Variants in NKAIN2 observed in about 807,000 individuals in gnomAD.
NKAIN2 encodes sodium/potassium-transporting ATPase subunit beta-1-interacting protein 2.
In NKAIN2, 14 loss-of-function variants were observed where a neutral mutation model predicts 32.6. That is an observed-to-expected ratio of 0.43 (90% CI 0.28 to 0.67). The LOEUF (loss-of-function observed/expected upper bound fraction) is 0.67. Among genes scored for constraint, NKAIN2 ranks in the 30% least tolerant of loss-of-function variants. The probability of loss-of-function intolerance (pLI) is 0.17; values close to 1 mark genes in which losing one functional copy is unlikely to be tolerated. For synonymous variants in NKAIN2, 80 were observed against 87.2 expected, an observed-to-expected ratio of 0.92 and a Z score of 0.46; for missense variants, 198 against 258.3, an observed-to-expected ratio of 0.77 and a Z score of 1.60.
intron 1 of NKAIN2, among the ~76,000 whole-genome samples, chr6:124,044,253 C>T (rs771262995): frequency 1.3e-5 from 2 of 151,896 alleles, no homozygotes; most frequent in Non-Finnish European, 2.9e-5. Flanking sequence ...AGTTTTAGGA[C>T]CAAAACAAAG....
At chr6:124,455,895 T>C (rs145934091) in intron 3 of NKAIN2, among the ~76,000 whole-genome samples, 172 of 152,102 alleles carry the variant, frequency 1.1e-3, no homozygotes, top group Admixed American at 3.2e-3. Flanking sequence ...GAGATTTCCT[T>C]AATTATCTGC....
intron 1 of NKAIN2, among the ~76,000 whole-genome samples, chr6:124,061,449 T>A (rs537049161): frequency 6.6e-6 from 1 of 152,290 alleles, no homozygotes; most frequent in Non-Finnish European, 1.5e-5. Flanking sequence ...TTATCAAAAA[T>A]TAGACAATGC....
At chr6:123,849,949 G>GTTT (rs777466801) in intron 1 of NKAIN2, among the ~76,000 whole-genome samples, 394 of 38,554 alleles carry the variant, frequency 0.01, 16 homozygotes, top group African/African-American at 0.016. Flanking sequence ...ACTCAGGCTG[G>GTTT]TTTTTTTTTT....
chr6:124,236,595 A>G (rs932176013), intron 1 of NKAIN2, among the ~76,000 whole-genome samples: 19 of 152,184 alleles, frequency 1.2e-4, no homozygotes, highest in Non-Finnish European at 2.5e-4. Context: ...GAGTTAAACT[A>G]TGTGTCAATG....
At chr6:124,620,469 A>AATGCTAACTTCAACCAT (rs1783065942) in intron 3 of NKAIN2, among the ~76,000 whole-genome samples, 1 of 152,192 alleles carries the variant, frequency 6.6e-6, no homozygotes, top group African/African-American at 2.4e-5. Context: ...CTCTAGATAC[A>AATGCTAACTTCAACCAT]ATGCTAACTT....
chr6:123,837,353 A>G (rs897669438), intron 1 of NKAIN2, among the ~76,000 whole-genome samples: 3 of 152,040 alleles, frequency 2.0e-5, no homozygotes, highest in Non-Finnish European at 2.9e-5. Flanking sequence ...ACCCTCTATC[A>G]TACCCCATTT....
At chr6:123,894,560 C>T (rs774479205) in intron 1 of NKAIN2, among the ~76,000 whole-genome samples, 12 of 151,632 alleles carry the variant, frequency 7.9e-5, no homozygotes, top group Non-Finnish European at 2.9e-5. Context: ...TAGAAGCTAC[C>T]AGAAAAAGCA....
At chr6:124,770,640 C>T (rs1350949338) in intron 4 of NKAIN2, among the ~76,000 whole-genome samples, 1 of 151,998 alleles carries the variant, frequency 6.6e-6, no homozygotes, top group African/African-American at 2.4e-5. Context: ...GTTTTTTCCC[C>T]TTTTCTTTTT....
intron 1 of NKAIN2, among the ~76,000 whole-genome samples, chr6:124,240,317 C>G (rs977042758): frequency 1.3e-5 from 2 of 152,080 alleles, no homozygotes; most frequent in African/African-American, 4.8e-5. Context: ...ACCAGAGGTA[C>G]AAAGAGAAGC....
intron 1 of NKAIN2, among the ~76,000 whole-genome samples, chr6:124,274,554 T>A (rs1794939283): frequency 6.6e-6 from 1 of 152,104 alleles, no homozygotes; most frequent in Admixed American, 6.5e-5. Context: ...CCATGGAAGT[T>A]AAAATAACAG....
chr6:124,762,737 C>A (rs972857959), intron 4 of NKAIN2, among the ~76,000 whole-genome samples: 3 of 152,116 alleles, frequency 2.0e-5, no homozygotes, highest in Non-Finnish European at 4.4e-5. Context: ...GCACACATCC[C>A]AGTGGCAGGA....
intron 1 of NKAIN2, among the ~76,000 whole-genome samples, chr6:124,015,709 G>A (rs946178522): frequency 1.3e-5 from 2 of 152,088 alleles, no homozygotes; most frequent in Admixed American, 6.6e-5. Flanking sequence ...CCTTTGATAC[G>A]TATGCTCATC....
At chr6:124,704,180 C>A (rs10428767) in intron 4 of NKAIN2, among the ~76,000 whole-genome samples, 7 of 151,328 alleles carry the variant, frequency 4.6e-5, no homozygotes, top group African/African-American at 1.5e-4. Context: ...GAGGTAAAAC[C>A]AATTTGAAAT....
intron 3 of NKAIN2, among the ~76,000 whole-genome samples, chr6:124,657,872 C>T (rs1293907843): frequency 6.6e-6 from 1 of 151,604 alleles, no homozygotes; most frequent in African/African-American, 2.4e-5. Flanking sequence ...TGGGAAAGAC[C>T]CTTGAAAGGT....
intron 1 of NKAIN2, among the ~76,000 whole-genome samples, chr6:124,100,242 A>C (rs1283825374): frequency 6.6e-6 from 1 of 152,228 alleles, no homozygotes; most frequent in Non-Finnish European, 1.5e-5. Context: ...GAGTGTATGC[A>C]AGACGAGTAA....
At chr6:124,047,441 T>C (rs1402038756) in intron 1 of NKAIN2, among the ~76,000 whole-genome samples, 1 of 149,732 alleles carries the variant, frequency 6.7e-6, no homozygotes, top group Non-Finnish European at 1.5e-5. Context: ...ACTTTCTCTC[T>C]CTCTCTCTAT....
chr6:124,459,975 A>G (rs921720693), intron 3 of NKAIN2, among the ~76,000 whole-genome samples: 14 of 151,540 alleles, frequency 9.2e-5, no homozygotes, highest in Admixed American at 7.9e-4. Flanking sequence ...CCTACTTTAT[A>G]TTGGATTCAT....
intron 2 of NKAIN2, among the ~76,000 whole-genome samples, chr6:124,284,274 T>C (rs919204091): frequency 2.6e-5 from 4 of 152,190 alleles, no homozygotes; most frequent in African/African-American, 9.7e-5. Flanking sequence ...TTATGAATCG[T>C]AATTTGATAC....
chr6:124,807,058 C>A (rs1181539824), intron 5 of NKAIN2, among the ~76,000 whole-genome samples: 4 of 152,122 alleles, frequency 2.6e-5, no homozygotes, highest in Non-Finnish European at 4.4e-5. Context: ...TAACACCCCA[C>A]TGTCAACATT....
Sources: allele counts gnomAD v4.1 joint callset (sites outside exome capture counted in the v4.1 genomes callset), GRCh38; gene constraint gnomAD v4.1.1; transcripts MANE v1.5; gene names NCBI Gene and HGNC (gene_info 2026-07-23, HGNC 2026-07-21).